The following FAM185A variants were observed in gnomAD, a reference collection of about 807,000 sequenced individuals.
FAM185A encodes the protein family with sequence similarity 185 member A, also known as protein FAM185A.
Under a neutral mutation model 45.7 loss-of-function variants are expected in FAM185A, and 21 were observed. The observed-to-expected ratio is 0.46, with a 90% confidence interval of 0.33 to 0.66. FAM185A has a LOEUF of 0.66. Among genes scored for constraint, FAM185A ranks in the 30% least tolerant of loss-of-function variants. The pLI is 0.03. For missense variants in FAM185A, 305 were observed against 485.4 expected (o/e 0.63, Z 3.49); for synonymous variants, 117 against 194.0 (o/e 0.60, Z 3.30).
At chr7:102,789,690 G>A (rs1440315218) in intron 7 of FAM185A, among the ~76,000 whole-genome samples, 1 of 152,286 alleles carries the variant, frequency 6.6e-6, no homozygotes, top group African/African-American at 2.4e-5. Context: ...GTCTGAGCAA[G>A]AGCGAGACTC....
At chr7:102,768,031 C>CCCACTTGA (rs1253608196) in intron 4 of FAM185A, among the ~76,000 whole-genome samples, 1 of 139,886 alleles carries the variant, frequency 7.1e-6, no homozygotes, top group Non-Finnish European at 1.6e-5. Flanking sequence ...CTGTTTTAGA[C>CCCACTTGA]CCTCTTGACC....
the FAM185A span, among the ~76,000 whole-genome samples, chr7:102,821,327 G>T: frequency 6.6e-6 from 1 of 152,084 alleles, no homozygotes; most frequent in South Asian, 2.1e-4. Context: ...TGGGCCCAGT[G>T]GGAATGTCTA....
intron 7 of FAM185A, among the ~76,000 whole-genome samples, chr7:102,792,816 C>G (rs1796212689): frequency 6.6e-6 from 1 of 151,106 alleles, no homozygotes; most frequent in African/African-American, 2.4e-5. Flanking sequence ...GTCTAAAGGA[C>G]AGAGGGTAAT....
At chr7:102,838,642 A>G in the FAM185A span, among the ~76,000 whole-genome samples, 10 of 152,018 alleles carry the variant, frequency 6.6e-5, no homozygotes, top group African/African-American at 2.4e-4. Flanking sequence ...TTTAGCCCCA[A>G]CCTTGAGCTC....
At chr7:102,841,138 G>A in the FAM185A span, among the ~76,000 whole-genome samples, 1 of 152,026 alleles carries the variant, frequency 6.6e-6, no homozygotes, top group Non-Finnish European at 1.5e-5. Context: ...ACATAGAAGA[G>A]GGATCAAAAA....
downstream of FAM185A, among the ~76,000 whole-genome samples, chr7:102,812,023 T>A (rs1210583046): frequency 6.6e-6 from 1 of 152,254 alleles, no homozygotes; most frequent in Non-Finnish European, 1.5e-5. Flanking sequence ...AAGTTTTTAA[T>A]CCTTATTTGA....
chr7:102,762,582 G>A (rs1321017724), intron 4 of FAM185A, among the ~76,000 whole-genome samples: 1 of 152,152 alleles, frequency 6.6e-6, no homozygotes, highest in African/African-American at 2.4e-5. Flanking sequence ...AAAACTCTCA[G>A]ATTTTAGTTG....
the FAM185A span, among the ~76,000 whole-genome samples, chr7:102,826,724 CAT>C: frequency 0.011 from 669 of 62,206 alleles, 4 homozygotes; most frequent in Admixed American, 0.015. Flanking sequence ...GACCCTGTCT[CAT>C]ATATATATAT....
chr7:102,835,641 G>A, the FAM185A span, among the ~76,000 whole-genome samples: 3 of 99,086 alleles, frequency 3.0e-5, no homozygotes, highest in African/African-American at 5.0e-5. Flanking sequence ...ACGGAGTCTC[G>A]CTCTGTCGCC....
intron 7 of FAM185A, among the ~76,000 whole-genome samples, chr7:102,804,672 G>C (rs917298515): frequency 6.6e-6 from 1 of 151,660 alleles, no homozygotes; most frequent in Non-Finnish European, 1.5e-5. Flanking sequence ...TAAAAACAAA[G>C]ATAAATAGCT....
the FAM185A span, among the ~76,000 whole-genome samples, chr7:102,829,267 G>A: frequency 6.6e-6 from 1 of 152,194 alleles, no homozygotes; most frequent in South Asian, 2.1e-4. Context: ...CTATCTGTAA[G>A]TAATCTGCTT....
the FAM185A span, among the ~76,000 whole-genome samples, chr7:102,845,226 C>T: frequency 6.6e-6 from 1 of 152,134 alleles, no homozygotes; most frequent in Non-Finnish European, 1.5e-5. Context: ...GACCAGCCCC[C>T]AACCAAGAAC....
intron 5 of FAM185A, among the ~76,000 whole-genome samples, chr7:102,772,793 G>A (rs1425559230): frequency 6.6e-6 from 1 of 150,962 alleles, no homozygotes; most frequent in African/African-American, 2.4e-5. Flanking sequence ...GGCTCCAAAT[G>A]TGTTAACATT....
chr7:102,754,271 G>C (rs1793551483), intron 2 of FAM185A, among the ~76,000 whole-genome samples: 2 of 152,012 alleles, frequency 1.3e-5, no homozygotes, highest in South Asian at 4.1e-4. Flanking sequence ...CACGATCTTG[G>C]CTCACTGCAA....
At chr7:102,765,279 T>C (rs559350935) in intron 4 of FAM185A, among the ~76,000 whole-genome samples, 1 of 152,298 alleles carries the variant, frequency 6.6e-6, no homozygotes, top group African/African-American at 2.4e-5. Flanking sequence ...ACATTATAAG[T>C]TCCTTGAGTT....
At chr7:102,802,085 T>C (rs920158662) in intron 7 of FAM185A, among the ~76,000 whole-genome samples, 1 of 151,974 alleles carries the variant, frequency 6.6e-6, no homozygotes, top group East Asian at 1.9e-4. Flanking sequence ...AGCAACACAA[T>C]AATAGTGAAG....
intron 6 of FAM185A, among the ~76,000 whole-genome samples, chr7:102,786,237 T>C (rs946970867): frequency 1.3e-5 from 2 of 152,230 alleles, no homozygotes; most frequent in African/African-American, 4.8e-5. Flanking sequence ...TTGGGTGGAC[T>C]GTAAGCTAAT....
At chr7:102,790,270 C>T (rs1159808404) in intron 7 of FAM185A, among the ~76,000 whole-genome samples, 2 of 152,090 alleles carry the variant, frequency 1.3e-5, no homozygotes, top group Non-Finnish European at 2.9e-5. Flanking sequence ...GCAGGTAGTG[C>T]GTTGCATTTA....
At chr7:102,775,391 G>T (rs374524919) in intron 5 of FAM185A, among the ~76,000 whole-genome samples, 3,626 of 116,888 alleles carry the variant, frequency 0.031, no homozygotes, top group Middle Eastern at 0.075. Context: ...CTGATAATTT[G>T]TGTTAAACAA....
Sources: allele counts gnomAD v4.1 joint callset (sites outside exome capture counted in the v4.1 genomes callset), GRCh38; gene constraint gnomAD v4.1.1; transcripts MANE v1.5; gene names NCBI Gene and HGNC (gene_info 2026-07-23, HGNC 2026-07-21).